Variants in GRM1 observed in about 807,000 individuals in gnomAD.
GRM1 encodes glutamate metabotropic receptor 1.
In GRM1, 33 loss-of-function variants were observed where a neutral mutation model predicts 90.9. The ratio of observed to expected loss-of-function variants is 0.36; its 90% CI spans 0.28 to 0.49. The LOEUF (loss-of-function observed/expected upper bound fraction) is 0.49, where lower values mean the gene tolerates loss of function less well. Among genes scored for constraint, GRM1 ranks in the 20% least tolerant of loss-of-function variants. The pLI, the probability that GRM1 is intolerant of heterozygous loss-of-function variation, is 0.99. For missense variants in GRM1, 1,190 were observed against 1,534.3 expected (o/e 0.78, Z 3.75); for synonymous variants, 700 against 613.2 (o/e 1.14, Z -2.09).
chr6:146,138,388 G>T (rs768506140), intron 1 of GRM1, among the ~76,000 whole-genome samples: 10 of 152,128 alleles, frequency 6.6e-5, no homozygotes, highest in Middle Eastern at 3.4e-3. Flanking sequence ...TTCATCAAAT[G>T]CTTTTTCAGC....
intron 1 of GRM1, among the ~76,000 whole-genome samples, chr6:146,041,322 A>G (rs896913722): frequency 4.0e-5 from 6 of 151,898 alleles, no homozygotes; most frequent in African/African-American, 1.4e-4. Flanking sequence ...ATGAATGGAT[A>G]TCTGTGTCTT....
chr6:146,261,690 T>A (rs1431316326), intron 2 of GRM1, among the ~76,000 whole-genome samples: 3 of 152,212 alleles, frequency 2.0e-5, no homozygotes, highest in Admixed American at 6.5e-5. Context: ...TTATTATTAT[T>A]AAGTTTCATA....
chr6:146,332,574 C>A (rs1047047557), intron 3 of GRM1, among the ~76,000 whole-genome samples: 3 of 152,196 alleles, frequency 2.0e-5, no homozygotes, highest in African/African-American at 7.2e-5. Context: ...AAAGTTCTCA[C>A]TTTAATGGCC....
intron 6 of GRM1, among the ~76,000 whole-genome samples, chr6:146,394,676 A>G (rs1003163117): frequency 3.3e-5 from 5 of 152,110 alleles, no homozygotes; most frequent in African/African-American, 1.2e-4. Flanking sequence ...ATATCACTGG[A>G]TTTATAAATT....
chr6:146,118,140 C>CTTTTTTTTTTTTTTTTTTT (rs67033918), intron 1 of GRM1, among the ~76,000 whole-genome samples: 2 of 115,456 alleles, frequency 1.7e-5, no homozygotes, highest in African/African-American at 3.3e-5. Flanking sequence ...TTCTTCTTTT[C>CTTTTTTTTTTTTTTTTTTT]TTTTTTTTTT....
intron 1 of GRM1, among the ~76,000 whole-genome samples, chr6:146,149,224 C>T (rs1777225347): frequency 6.6e-6 from 1 of 152,198 alleles, no homozygotes; most frequent in East Asian, 1.9e-4. Flanking sequence ...CATCTTTAAA[C>T]CTAAACACTA....
chr6:146,338,204 C>T (rs570418443), intron 3 of GRM1, among the ~76,000 whole-genome samples: 1 of 152,302 alleles, frequency 6.6e-6, no homozygotes, highest in Admixed American at 6.5e-5. Context: ...ATTTTTACCA[C>T]GAATTATAAT....
chr6:146,114,224 C>G (rs1193203122), intron 1 of GRM1, among the ~76,000 whole-genome samples: 2 of 152,000 alleles, frequency 1.3e-5, no homozygotes, highest in African/African-American at 4.8e-5. Context: ...GAATAGAATA[C>G]TAATGGTTGT....
chr6:146,257,575 C>T (rs1234421914), intron 2 of GRM1, among the ~76,000 whole-genome samples: 1 of 151,592 alleles, frequency 6.6e-6, no homozygotes, highest in Admixed American at 6.6e-5. Flanking sequence ...CATATAATTT[C>T]TTATAAAGAA....
chr6:146,056,636 G>A (rs1365781806), intron 1 of GRM1, among the ~76,000 whole-genome samples: 1 of 152,032 alleles, frequency 6.6e-6, no homozygotes, highest in Non-Finnish European at 1.5e-5. Flanking sequence ...TAAAATTAGG[G>A]ATTTGTGCCA....
intron 1 of GRM1, among the ~76,000 whole-genome samples, chr6:146,154,402 G>T (rs57166885): frequency 0.06 from 9,108 of 152,220 alleles, 312 homozygotes; most frequent in African/African-American, 0.08. Flanking sequence ...CTGGCCAGCT[G>T]TGTGTGGTTT....
chr6:146,344,757 A>G (rs940401901), intron 3 of GRM1, among the ~76,000 whole-genome samples: 5 of 152,180 alleles, frequency 3.3e-5, no homozygotes, highest in African/African-American at 4.8e-5. Context: ...CTAATAGAAG[A>G]AATGAACTTT....
intron 1 of GRM1, among the ~76,000 whole-genome samples, chr6:146,119,420 G>T (rs1164942309): frequency 6.6e-6 from 1 of 151,958 alleles, no homozygotes; most frequent in African/African-American, 2.4e-5. Flanking sequence ...TAGTTTCTTT[G>T]GCTGCACAGA....
At chr6:146,093,541 A>G (rs1206426074) in intron 1 of GRM1, among the ~76,000 whole-genome samples, 3 of 152,048 alleles carry the variant, frequency 2.0e-5, no homozygotes, top group African/African-American at 7.2e-5. Context: ...GCTGGCCCTC[A>G]CTGAAGTTTC....
intron 1 of GRM1, among the ~76,000 whole-genome samples, chr6:146,040,580 A>C (rs1028537443): frequency 6.6e-6 from 1 of 151,994 alleles, no homozygotes; most frequent in Admixed American, 6.6e-5. Flanking sequence ...GTGCTTTGTC[A>C]TCCTGCTCCC....
intron 5 of GRM1, among the ~76,000 whole-genome samples, chr6:146,383,084 ATAT>A (rs1776376774): frequency 2.0e-5 from 3 of 152,304 alleles, no homozygotes; most frequent in East Asian, 1.9e-4. Flanking sequence ...CATCTTACAG[ATAT>A]TATATGGCAA....
At chr6:146,213,459 G>A (rs770336368) in intron 2 of GRM1, among the ~76,000 whole-genome samples, 3 of 152,150 alleles carry the variant, frequency 2.0e-5, no homozygotes, top group Non-Finnish European at 2.9e-5. Context: ...ATAGATGACA[G>A]ATTGAAGAAA....
chr6:146,311,273 A>C (rs1783760613), intron 3 of GRM1, among the ~76,000 whole-genome samples: 1 of 152,368 alleles, frequency 6.6e-6, no homozygotes, highest in South Asian at 2.1e-4. Flanking sequence ...AATGAGGTAC[A>C]GTTATAGCTT....
intron 7 of GRM1, among the ~76,000 whole-genome samples, chr6:146,433,533 T>A: frequency 6.8e-6 from 1 of 146,728 alleles, no homozygotes; most frequent in African/African-American, 2.6e-5. Flanking sequence ...AAAGTGTGTG[T>A]GTGTGTGTGT....
Sources: gnomAD v4.1 joint callset for allele counts (sites outside exome capture counted in the v4.1 genomes callset) on GRCh38, gnomAD v4.1.1 for gene constraint, MANE v1.5 for transcripts, NCBI Gene and HGNC (gene_info 2026-07-23, HGNC 2026-07-21) for gene names.